Variants in DYNLRB2 observed in about 807,000 individuals in gnomAD.
DYNLRB2 encodes the protein dynein light chain roadblock-type 2.
DYNLRB2 carries 14 observed loss-of-function variants against 12.6 expected under a neutral mutation model. The ratio of observed to expected loss-of-function variants is 1.11; its 90% confidence interval spans 0.73 to 1.73. DYNLRB2 has a LOEUF of 1.73. Ranked by LOEUF, DYNLRB2 falls within the 40% of genes most tolerant of loss-of-function variation. The pLI is 0.00. For synonymous variants in DYNLRB2, 53 were observed against 37.0 expected, an observed-to-expected ratio of 1.43 and a Z score of -1.57; for missense variants, 142 against 117.7, an observed-to-expected ratio of 1.21 and a Z score of -0.95.
At chr16:80,542,867 T>G (rs1201378478) in intron 1 of DYNLRB2, among the ~76,000 whole-genome samples, 1 of 152,208 alleles carries the variant, frequency 6.6e-6, no homozygotes, top group East Asian at 1.9e-4. Context: ...ATGATATAGC[T>G]CTATAAATAT....
At chr16:80,543,191 T>G in intron 1 of DYNLRB2, 85 bp from the exon 2 acceptor site, 1 of 1,322,568 alleles carries the variant, frequency 7.6e-7, no homozygotes, top group Non-Finnish European at 1.1e-6. Flanking sequence ...GATAGGAGAG[T>G]AGGTATCTTG....
chr16:80,545,048 TA>T (rs902305948), intron 2 of DYNLRB2, among the ~76,000 whole-genome samples: 1 of 152,148 alleles, frequency 6.6e-6, no homozygotes, highest in African/African-American at 2.4e-5. Context: ...TTGGGGGGTC[TA>T]GGGGGACACT....
At position 80,541,037 on chromosome 16, in the gene DYNLRB2, T is replaced by A; in HGVS notation, c.-40T>A. 1 of 1,603,716 alleles carries A rather than the reference T, an allele frequency of 6.2e-7. No individual in the cohort carries two copies. The highest frequency in any genetic ancestry group is 8.5e-7 in the Non-Finnish European group (1 of 1,173,960). ...TAGCGTTGTTGACATCCCGGGAGGC[T>A]GTGCCGCCGGCCTGAGCCCAGAGTT... On this transcript the variant is annotated 5_prime_UTR_variant, in exon 1 of 4. Coordinates refer to ENST00000305904, the MANE Select transcript of DYNLRB2 (RefSeq NM_130897.3).
At chr16:80,547,915 A>G (rs984747419) in intron 2 of DYNLRB2, 4 of 430,554 alleles carry the variant, frequency 9.3e-6, no homozygotes, top group African/African-American at 6.1e-5. Context: ...GTTTAGCAAA[A>G]CATTCTGGAC....
chr16:80,547,275 A>G (rs1278894347), intron 2 of DYNLRB2, among the ~76,000 whole-genome samples: 1 of 152,202 alleles, frequency 6.6e-6, no homozygotes, highest in Non-Finnish European at 1.5e-5. Context: ...ACACAAACAC[A>G]TACATTCTTG....
intron 1 of DYNLRB2, 200 bp downstream of exon 1, chr16:80,541,279 G>A: frequency 1.0e-6 from 1 of 958,784 alleles, no homozygotes; most frequent in Non-Finnish European, 1.2e-6. Context: ...ACTGGAAGCT[G>A]TTTTGGGAAT....
At chr16:80,541,753 G>T (rs996856989) in intron 1 of DYNLRB2, among the ~76,000 whole-genome samples, 2 of 152,096 alleles carry the variant, frequency 1.3e-5, no homozygotes, top group African/African-American at 4.8e-5. Context: ...GGAAAGAAAA[G>T]AAAGGAGTTT....
chr16:80,549,709 C>T (rs1293549340), intron 3 of DYNLRB2, 58 bp downstream of exon 3: 2 of 1,503,002 alleles, frequency 1.3e-6, no homozygotes, highest in Non-Finnish European at 1.8e-6. Flanking sequence ...AGATTAAAAG[C>T]CTTGTTTCTA....
intron 2 of DYNLRB2, among the ~76,000 whole-genome samples, chr16:80,543,830 TGG>T (rs1904313506): frequency 6.6e-6 from 1 of 152,240 alleles, no homozygotes; most frequent in Non-Finnish European, 1.5e-5. Flanking sequence ...ATAGTCTTTG[TGG>T]ATATAGCATA....
intron 2 of DYNLRB2, among the ~76,000 whole-genome samples, chr16:80,546,834 T>C (rs1904496720): frequency 6.6e-6 from 1 of 152,234 alleles, no homozygotes; most frequent in Non-Finnish European, 1.5e-5. Flanking sequence ...TATTTTGAAA[T>C]ACAATCTATC....
intron 2 of DYNLRB2, 97 bp from the exon 3 acceptor site, chr16:80,549,387 C>G (rs1002046752): frequency 3.3e-5 from 41 of 1,259,418 alleles, no homozygotes; most frequent in Non-Finnish European, 4.2e-5. Flanking sequence ...ACTTTTTTCT[C>G]TTCTTTACAA....
At chr16:80,547,051 T>G (rs1904512541) in intron 2 of DYNLRB2, among the ~76,000 whole-genome samples, 1 of 152,224 alleles carries the variant, frequency 6.6e-6, no homozygotes, top group South Asian at 2.1e-4. Context: ...GGACATATTC[T>G]GTAGCCTTGT....
At chr16:80,541,485 A>G (rs893215176) in intron 1 of DYNLRB2, 64 of 654,928 alleles carry the variant, frequency 9.8e-5, no homozygotes, top group Admixed American at 3.2e-4. Context: ...CAGGGAAAGC[A>G]AGGGAATGGA....
In DYNLRB2 at chr16:80,548,677, A is replaced by AT. The variant is rs564132959; in HGVS notation, c.80-806dup. Among the ~76,000 whole-genome samples, 550 of 151,006 alleles carry AT rather than the reference A, an allele frequency of 3.6e-3. 3 individuals carry two copies. The highest frequency in any genetic ancestry group is 3.6e-3 in the Non-Finnish European group (244 of 67,868). ...GCAGAGGTTGCAATGAGCCAAGATC[A>AT]TGCCGTCGCACTCCAGCCTGGGGGG... On this transcript the variant is annotated intron_variant, in intron 2 of 3. Coordinates refer to ENST00000305904, the MANE Select transcript of DYNLRB2 (RefSeq NM_130897.3).
At chr16:80,547,230 A>T (rs1904529368) in intron 2 of DYNLRB2, among the ~76,000 whole-genome samples, 1 of 152,240 alleles carries the variant, frequency 6.6e-6, no homozygotes, top group Non-Finnish European at 1.5e-5. Flanking sequence ...CAAGGTACAG[A>T]ATAGACAATG....
upstream of DYNLRB2, chr16:80,540,811 C>T: frequency 1.4e-6 from 1 of 709,212 alleles, no homozygotes; most frequent in Admixed American, 2.0e-5. Flanking sequence ...CCACTTCCCT[C>T]TTCCCTCCCG....
At chr16:80,541,327 T>C (rs1904286075) in intron 1 of DYNLRB2, 1 of 982,914 alleles carries the variant, frequency 1.0e-6, no homozygotes. Context: ...GGGGTGATGT[T>C]GAGAAAGGGA....
At chr16:80,549,289 T>C (rs987602612) in intron 2 of DYNLRB2, 195 bp from the exon 3 acceptor site, 11 of 546,442 alleles carry the variant, frequency 2.0e-5, no homozygotes, top group Non-Finnish European at 3.5e-5. Flanking sequence ...AAATATAGTT[T>C]CACACAACTA....
intron 2 of DYNLRB2, 199 bp from the exon 3 acceptor site, chr16:80,549,285 A>C (rs537548909): frequency 2.1e-5 from 11 of 535,274 alleles, no homozygotes; most frequent in Admixed American, 3.3e-5. Context: ...TTGTAAATAT[A>C]GTTTCACACA....
Sources: allele counts gnomAD v4.1 joint callset (sites outside exome capture counted in the v4.1 genomes callset), GRCh38; gene constraint gnomAD v4.1.1; transcripts MANE v1.5; gene names NCBI Gene and HGNC (gene_info 2026-07-23, HGNC 2026-07-21).